HMGXB3: variants seen among roughly 807,000 people sequenced by gnomAD.
HMGXB3 encodes HMG domain-containing protein 3.
A neutral mutation model predicts 121.5 loss-of-function variants in HMGXB3; 45 were observed. The observed-to-expected ratio is 0.37, with a 90% CI of 0.29 to 0.47. The LOEUF (loss-of-function observed/expected upper bound fraction) is 0.47. Ranked by LOEUF, HMGXB3 falls within the 20% of genes least tolerant of loss-of-function variation. The pLI is 0.99. For synonymous variants in HMGXB3, 590 were observed against 624.1 expected (o/e 0.95, Z 0.81); for missense variants, 1,376 against 1,602.2 (o/e 0.86, Z 2.41).
At chr5:150,014,814 G>C in intron 5 of HMGXB3, 2 of 440,048 alleles carry the variant, frequency 4.5e-6, no homozygotes, top group Non-Finnish European at 8.1e-6. Flanking sequence ...CTTGGGAGGT[G>C]GGGGAACATA....
chr5:150,034,481 T>C (rs547730499), intron 11 of HMGXB3, among the ~76,000 whole-genome samples: 1 of 152,234 alleles, frequency 6.6e-6, no homozygotes, highest in African/African-American at 2.4e-5. Context: ...TGGGTGTTAC[T>C]CTCTAGATCT....
chr5:150,048,466 T>G, intron 17 of HMGXB3, 103 bp from the exon 18 acceptor site: 3 of 816,464 alleles, frequency 3.7e-6, no homozygotes, highest in Non-Finnish European at 6.1e-6. Flanking sequence ...CCCAGGCAGT[T>G]TATTCTTTTG....
chr5:150,044,600 C>A (rs1268377922), intron 15 of HMGXB3, among the ~76,000 whole-genome samples: 2 of 152,146 alleles, frequency 1.3e-5, no homozygotes, highest in Non-Finnish European at 2.9e-5. Context: ...GGAGTGGGGC[C>A]AGGAATTTGC....
rs571418937 is a variant in HMGXB3 at position 150,052,384 on chromosome 5, G to A, written c.*192G>A. On this transcript the variant is annotated 3_prime_UTR_variant, in exon 20 of 20. Coordinates refer to ENST00000502717, the MANE Select transcript of HMGXB3 (RefSeq NM_014983.3). ...GTCCTCAGTTCTCAACCCTCCAGGGGTCAGGAGTGGTACCAGGAAACCTCT... is the reference window on the plus strand; with the variant it reads ...GTCCTCAGTTCTCAACCCTCCAGGGATCAGGAGTGGTACCAGGAAACCTCT... 8 of 585,608 alleles carry A rather than the reference G, an allele frequency of 1.4e-5. No homozygotes were observed. The highest frequency in any genetic ancestry group is 6.0e-5 in the Admixed American group (2 of 33,268). 36.3% of individuals were successfully genotyped at this position (585,608 alleles called of 1,614,324 possible).
In HMGXB3 at chr5:150,010,454, C is replaced by T. The variant is rs1054931718; in HGVS notation, c.656C>T (p.Ala219Val). ...AGCCAGGATGTGCTCCTAGAGGACG[C>T]TTCCCTAGAAGTAGGGGAGAGCCAC... ...ILSQDVLLED[A>V]SLEVGESHQP... The change falls in exon 4 of 20, where the codon GCT becomes GTT. Residue 219 changes from alanine (A) to valine (V), a missense_variant. By Grantham distance (64) the Ala-to-Val change is moderately conservative (BLOSUM62 0). Transcript: ENST00000502717. The T allele has an allele frequency of 8.4e-6, 13 of 1,551,422 alleles. No individual in the cohort carries two copies. The Admixed American group carries it at 2.2e-4, about 26-fold the overall frequency.
At chr5:150,029,650 C>T (rs943913536) in intron 9 of HMGXB3, among the ~76,000 whole-genome samples, 3 of 152,024 alleles carry the variant, frequency 2.0e-5, no homozygotes, top group Admixed American at 1.3e-4. Context: ...AATGTTATGA[C>T]CCCTCATTGG....
intron 14 of HMGXB3, 50 bp from the exon 15 acceptor site, chr5:150,041,735 C>T: frequency 7.0e-7 from 1 of 1,427,368 alleles, no homozygotes; most frequent in Non-Finnish European, 9.6e-7. Flanking sequence ...TCCCTAGTGG[C>T]TTCAGTGTCT....
intron 19 of HMGXB3, among the ~76,000 whole-genome samples, 152 bp from the exon 20 acceptor site, chr5:150,051,573 G>T (rs1298638052): frequency 6.6e-6 from 1 of 152,216 alleles, no homozygotes; most frequent in Non-Finnish European, 1.5e-5. Context: ...GGAAATGGAG[G>T]CACTGGCGGG....
At chr5:150,044,687 C>T (rs1213927703) in intron 15 of HMGXB3, among the ~76,000 whole-genome samples, 1 of 152,110 alleles carries the variant, frequency 6.6e-6, no homozygotes, top group Non-Finnish European at 1.5e-5. Flanking sequence ...TCTGAGGAAA[C>T]TTTTTTAAAT....
rs1255616392 is a variant in HMGXB3 at position 150,006,542 on chromosome 5, G to C, written c.207G>C (p.Gln69His). The change falls in exon 3 of 20, where the codon CAG becomes CAC. Residue 69 changes from glutamine to histidine, a missense_variant. This residue lies in a region of HMGXB3 where 1,116 missense variants were observed against 1,369.0 expected (regional missense o/e 0.82). Coordinates refer to ENST00000502717, the MANE Select transcript of HMGXB3 (RefSeq NM_014983.3). ...AGCAGGAGCTCCCCCACCTCCCTCAGTCTGAGATCAATAAGAAGATTAGTG... is the reference window on the plus strand; with the variant it reads ...AGCAGGAGCTCCCCCACCTCCCTCACTCTGAGATCAATAAGAAGATTAGTG... ...KVQQELPHLP[Q>H]SEINKKISES... 6.4e-7 allele frequency: 1 copy of C among 1,552,102 alleles called. No homozygotes were observed. The highest frequency in any genetic ancestry group is 1.2e-5 in the South Asian group (1 of 84,056).
intron 1 of HMGXB3, 78 bp downstream of exon 1, chr5:150,001,257 T>G (rs989607688): frequency 1.3e-5 from 2 of 152,446 alleles, no homozygotes; most frequent in Non-Finnish European, 2.9e-5. Flanking sequence ...GAGCCTCTAC[T>G]GAGTCTTCCA....
intron 16 of HMGXB3, among the ~76,000 whole-genome samples, chr5:150,046,456 CAATT>C (rs1164040516): frequency 6.6e-6 from 1 of 152,202 alleles, no homozygotes; most frequent in Non-Finnish European, 1.5e-5. Context: ...ATGACCCACT[CAATT>C]GATATTGTAA....
intron 11 of HMGXB3, among the ~76,000 whole-genome samples, chr5:150,035,294 A>G (rs1756475616): frequency 6.6e-6 from 1 of 152,142 alleles, no homozygotes; most frequent in South Asian, 2.1e-4. Flanking sequence ...CTCATGGTGG[A>G]AGGCAAGGGG....
rs1178919136 is a variant in HMGXB3, at chr5:150,026,727, G to A, written c.1482G>A (p.Gly494=). 2.6e-6 allele frequency: 4 copies of A among 1,551,144 alleles called. No individual in the cohort carries two copies. The highest frequency in any genetic ancestry group is 3.5e-6 in the Non-Finnish European group (4 of 1,146,880). Residue 494 remains glycine, a synonymous_variant, in exon 8 of 20, where the codon GGG becomes GGA. Transcript: ENST00000502717. ...TCAGAGCTGACCTGCTTACCCCTGG[G>A]TCCAGAGCTCCAGAGCTTAAAGGCA... ...KPTGADLLTP[G]SRAPELKGRA... is the part of the protein sequence containing the mutation.
At chr5:150,018,972 G>GT (rs1314972631) in intron 6 of HMGXB3, among the ~76,000 whole-genome samples, 1 of 151,612 alleles carries the variant, frequency 6.6e-6, no homozygotes, top group African/African-American at 2.4e-5. Flanking sequence ...TTCTGTATCT[G>GT]TTTTTTTCTT....
chr5:150,045,403 G>A (rs2276983), intron 15 of HMGXB3, 63 bp from the exon 16 acceptor site: 1,039,619 of 1,308,540 alleles, frequency 0.79, 415,227 homozygotes, highest in African/African-American at 0.96. Flanking sequence ...GACGGGGTAG[G>A]CTGTTGTGTT....
At chr5:150,041,730 AGT>A in intron 14 of HMGXB3, 53 bp from the exon 15 acceptor site, 1 of 1,359,552 alleles carries the variant, frequency 7.4e-7, no homozygotes, top group Non-Finnish European at 1.0e-6. Flanking sequence ...GCTCATCCCT[AGT>A]GGCTTCAGTG....
In HMGXB3 at chr5:150,053,091, T is replaced by TCCCTCTTCCCC. The variant is rs1375797327; in HGVS notation, c.*901_*911dup. On this transcript the variant is annotated 3_prime_UTR_variant, in exon 20 of 20. Coordinates refer to ENST00000502717, the MANE Select transcript of HMGXB3 (RefSeq NM_014983.3). ...AGTGGAGTAGGTGGCTTTTTTTCCC[T>TCCCTCTTCCCC]CCCTCTTCCCCCAACAAGAATAAAG... 5.5e-6 allele frequency: 1 copy of TCCCTCTTCCCC among 180,228 alleles called. No homozygotes were observed. Among genetic ancestry groups the TCCCTCTTCCCC allele is most frequent in the African/African-American group, 2.4e-5 (1 of 42,346 alleles). The allele number at this position is 180,228 out of a possible 1,614,324, so 11.2% of individuals were successfully genotyped here.
At chr5:150,035,776 A>G (rs1398078306) in intron 11 of HMGXB3, among the ~76,000 whole-genome samples, 3 of 152,080 alleles carry the variant, frequency 2.0e-5, no homozygotes, top group East Asian at 1.9e-4. Flanking sequence ...CCTGCTTGAG[A>G]AAGACCTATT....
Sources: gnomAD v4.1 joint callset for allele counts (sites outside exome capture counted in the v4.1 genomes callset) on GRCh38, gnomAD v4.1.1 for gene constraint, gnomAD v4.1.1 regional missense constraint, MANE v1.5 for transcripts, NCBI Gene and HGNC (gene_info 2026-07-23, HGNC 2026-07-21) for gene names.